Variants in MTHFD1L observed in about 807,000 individuals in gnomAD.
The protein encoded by MTHFD1L is methylenetetrahydrofolate dehydrogenase (NADP+ dependent) 1 like, also known as monofunctional C1-tetrahydrofolate synthase, mitochondrial.
In MTHFD1L, 81 loss-of-function variants were observed where a neutral mutation model predicts 119.5. The ratio of observed to expected loss-of-function variants is 0.68; its 90% CI spans 0.57 to 0.82. The LOEUF (loss-of-function observed/expected upper bound fraction) is 0.82. MTHFD1L is among the 40% of genes least tolerant of loss of function. The pLI, the probability that MTHFD1L is intolerant of heterozygous loss-of-function variation, is 0.00. For missense variants in MTHFD1L, 1,125 were observed against 1,253.4 expected, an observed-to-expected ratio of 0.90 and a Z score of 1.55; for synonymous variants, 430 against 475.2, an observed-to-expected ratio of 0.90 and a Z score of 1.24.
At chr6:150,928,774 C>T (rs1201556969) in intron 11 of MTHFD1L, among the ~76,000 whole-genome samples, 2 of 151,992 alleles carry the variant, frequency 1.3e-5, no homozygotes, top group Non-Finnish European at 2.9e-5. Context: ...GAACTCCTGG[C>T]CTCAAGTGGT....
chr6:151,054,528 G>A (rs753461772), intron 26 of MTHFD1L, among the ~76,000 whole-genome samples: 1 of 152,112 alleles, frequency 6.6e-6, no homozygotes, highest in Admixed American at 6.5e-5. Flanking sequence ...GCCCCTCTCC[G>A]GAGTGTTATC....
chr6:150,884,650 A>T (rs539741069), intron 5 of MTHFD1L, among the ~76,000 whole-genome samples: 1 of 152,222 alleles, frequency 6.6e-6, no homozygotes, highest in East Asian at 1.9e-4. Flanking sequence ...CCAAACAAAA[A>T]CAACAGAGAG....
At chr6:150,914,964 C>T (rs1055900932) in intron 8 of MTHFD1L, among the ~76,000 whole-genome samples, 2 of 152,194 alleles carry the variant, frequency 1.3e-5, no homozygotes, top group Non-Finnish European at 2.9e-5. Flanking sequence ...TTAACTCTTA[C>T]GGACTTACTT....
Position 151,017,830 on chromosome 6 carries a change from C to CTTT in MTHFD1L, c.2586+2157_2586+2159dup, listed in dbSNP as rs895364993. On this transcript the variant is annotated intron_variant, in intron 24 of 27. Coordinates refer to ENST00000367321, the MANE Select transcript of MTHFD1L (RefSeq NM_015440.5). ...AAGTATCCCTTCAAGACCGTGTTTT[C>CTTT]TTTTTTTTTTTTTTTTTTTTTTGAG... Among the ~76,000 whole-genome samples, 290 of 98,962 alleles carry CTTT rather than the reference C, an allele frequency of 2.9e-3. 2 individuals carry two copies. The highest frequency in any genetic ancestry group is 0.016 in the East Asian group (50 of 3,104). The allele number at this position is 98,962 out of a possible 152,430, so 64.9% of individuals were successfully genotyped here.
chr6:150,867,868 G>GCTCCCTGCAACCTCTGC (rs1778692335), intron 1 of MTHFD1L, among the ~76,000 whole-genome samples: 1 of 148,964 alleles, frequency 6.7e-6, no homozygotes, highest in East Asian at 2.0e-4. Context: ...CACGATCTTG[G>GCTCCCTGCAACCTCTGC]CTCCCTGCAA....
intron 1 of MTHFD1L, among the ~76,000 whole-genome samples, chr6:150,869,138 A>T (rs1198736168): frequency 1.3e-5 from 2 of 152,162 alleles, no homozygotes; most frequent in Middle Eastern, 3.2e-3. Context: ...AATAGATGGC[A>T]GTATAGGGTA....
intron 8 of MTHFD1L, among the ~76,000 whole-genome samples, chr6:150,912,019 G>A (rs1786988768): frequency 6.6e-6 from 1 of 151,980 alleles, no homozygotes; most frequent in Non-Finnish European, 1.5e-5. Flanking sequence ...AGGAGGAGGT[G>A]CATACTACAT....
At chr6:150,866,713 C>G (rs1192241545) in intron 1 of MTHFD1L, 6 of 1,113,234 alleles carry the variant, frequency 5.4e-6, no homozygotes, top group Non-Finnish European at 6.6e-6. Context: ...CGCCGCGCAG[C>G]GCCCACGGAG....
chr6:150,871,332 G>C (rs1187235700), intron 1 of MTHFD1L, among the ~76,000 whole-genome samples: 1 of 149,780 alleles, frequency 6.7e-6, no homozygotes, highest in Non-Finnish European at 1.5e-5. Flanking sequence ...GAGGTTTGCT[G>C]TATTGATGGA....
chr6:151,096,544 A>C (rs1271778569), intron 27 of MTHFD1L, among the ~76,000 whole-genome samples: 1 of 152,208 alleles, frequency 6.6e-6, no homozygotes, highest in Non-Finnish European at 1.5e-5. Flanking sequence ...ACTTCTACTA[A>C]TAATCAGAGG....
intron 10 of MTHFD1L, among the ~76,000 whole-genome samples, chr6:150,924,298 G>A (rs1789544120): frequency 6.7e-6 from 1 of 148,786 alleles, no homozygotes; most frequent in Non-Finnish European, 1.5e-5. Flanking sequence ...TCTGCTCATT[G>A]TAACCTTCAC....
At chr6:151,065,297 C>G (rs1014922217) in intron 26 of MTHFD1L, among the ~76,000 whole-genome samples, 1 of 152,204 alleles carries the variant, frequency 6.6e-6, no homozygotes, top group African/African-American at 2.4e-5. Flanking sequence ...CTAGCAGGGA[C>G]TCACGCCATC....
At chr6:150,952,884 C>T (rs987870957) in intron 16 of MTHFD1L, among the ~76,000 whole-genome samples, 5 of 152,144 alleles carry the variant, frequency 3.3e-5, no homozygotes, top group Non-Finnish European at 5.9e-5. Flanking sequence ...TTCCTGGACC[C>T]AGAGTGGAAC....
In MTHFD1L at chr6:151,092,598, G is replaced by A; in HGVS notation, c.*31+11G>A. 1.3e-6 allele frequency: 2 copies of A among 1,518,370 alleles called. No individual in the cohort carries two copies. The highest frequency in any genetic ancestry group is 1.8e-6 in the Non-Finnish European group (2 of 1,110,164). The allele number at this position is 1,518,370 out of a possible 1,614,324, so 94.1% of individuals were successfully genotyped here. The stretch of plus-strand genomic sequence containing the variant: ...CAGGACCCGATGCAGGTAGGCTGAT[G>A]TGCTTCAACTTTTTCTCTCTTTGTT... On this transcript the variant is annotated intron_variant, in intron 27 of 27. Transcript: ENST00000367321.
At chr6:151,068,174 T>C (rs1584387356) in intron 26 of MTHFD1L, among the ~76,000 whole-genome samples, 1 of 152,338 alleles carries the variant, frequency 6.6e-6, no homozygotes, top group South Asian at 2.1e-4. Flanking sequence ...CACAGCAGTG[T>C]GTTTTGATTC....
At position 151,034,745 on chromosome 6, in the gene MTHFD1L, C is replaced by T. The variant is rs140936701; in HGVS notation, c.2694+145C>T. 602 of 651,098 alleles carry T rather than the reference C, an allele frequency of 9.2e-4. 1 individual carries two copies. The East Asian group carries it at 0.015, about 16-fold the overall frequency. The allele number at this position is 651,098 out of a possible 1,614,324, so 40.3% of individuals were successfully genotyped here. ...TTAACAAAGATGAAGGTAATATCCT[C>T]GGGTAGAGTGTAGACTATATTTAGA... On this transcript the variant is annotated intron_variant, in intron 25 of 27. Transcript: ENST00000367321.
Position 150,985,602 on chromosome 6 carries a change from G to A in MTHFD1L, c.2125+13544G>A, listed in dbSNP as rs567788772. Among the ~76,000 whole-genome samples the A allele has an allele frequency of 1.9e-4, 28 of 148,710 alleles. No individual in the cohort carries two copies. In the East Asian group the frequency reaches 4.6e-3, roughly 24 times the overall value. On this transcript the variant is annotated intron_variant, in intron 20 of 27. Coordinates refer to ENST00000367321, the MANE Select transcript of MTHFD1L (RefSeq NM_015440.5). The stretch of plus-strand genomic sequence containing the variant: ...CTTGAACCTGGAAGGTGGAGGTTGC[G>A]GTGAGCCAAGATCACACCATTGCAC...
chr6:151,016,042 G>A lies in MTHFD1L; in HGVS notation c.2586+349G>A, dbSNP rs555316396. Among the ~76,000 whole-genome samples the A allele has an allele frequency of 9.2e-5, 14 of 152,182 alleles. No homozygotes were observed. In the South Asian group the frequency reaches 1.0e-3, roughly 11 times the overall value. On this transcript the variant is annotated intron_variant, in intron 24 of 27. Coordinates refer to ENST00000367321, the MANE Select transcript of MTHFD1L (RefSeq NM_015440.5). The stretch of plus-strand genomic sequence containing the variant: ...GTGGAGGCTGCAGTGAGCCAAGATC[G>A]AGATCACACCACTGCACTCCAGCCT...
chr6:150,898,930 C>G (rs1784698545), intron 7 of MTHFD1L: 1 of 1,048,340 alleles, frequency 9.5e-7, no homozygotes, highest in African/African-American at 1.7e-5. Context: ...CTCTGCCTCC[C>G]AGGTTGAAGT....
Sources: gnomAD v4.1 joint callset for allele counts (sites outside exome capture counted in the v4.1 genomes callset) on GRCh38, gnomAD v4.1.1 for gene constraint, MANE v1.5 for transcripts, NCBI Gene and HGNC (gene_info 2026-07-23, HGNC 2026-07-21) for gene names.